Variants in SYNE1 observed in about 807,000 individuals in gnomAD.
SYNE1 encodes nesprin-1.
SYNE1 carries 616 observed loss-of-function variants against 1,111.0 expected under a neutral mutation model. The ratio of observed to expected loss-of-function variants is 0.55; its 90% CI spans 0.52 to 0.59. The LOEUF (loss-of-function observed/expected upper bound fraction) is 0.59. SYNE1 is among the 20% of genes least tolerant of loss of function. The pLI is 0.00. For synonymous variants in SYNE1, 3,855 were observed against 3,825.8 expected (o/e 1.01, Z -0.28); for missense variants, 10,006 against 10,417.0 (o/e 0.96, Z 1.72).
At position 152,331,241 on chromosome 6, in the gene SYNE1, T is replaced by C. The variant is rs757755352; in HGVS notation, c.13444A>G (p.Ile4482Val). The C allele has an allele frequency of 6.2e-7, 1 of 1,614,160 alleles. No homozygotes were observed. Among genetic ancestry groups the C allele is most frequent in the Non-Finnish European group, 8.5e-7 (1 of 1,180,032 alleles). The stretch of plus-strand genomic sequence containing the variant: ...CTCACATCATCTGGTAACAGACAGA[T>C]GTGTTCACGGAACATTATCTTTCGC... ...HERKIMFREH[I>V]CLLPDDVSKQ... The change falls in exon 78 of 146, where the codon ATC becomes GTC. Residue 4482 changes from isoleucine to valine, a missense_variant. Ile to Val is a conservative substitution (Grantham distance 29). Coordinates refer to ENST00000367255, the MANE Select transcript of SYNE1 (RefSeq NM_182961.4).
At chr6:152,594,763 T>C (rs2099576221) in intron 3 of SYNE1, among the ~76,000 whole-genome samples, 2 of 152,174 alleles carry the variant, frequency 1.3e-5, no homozygotes, top group African/African-American at 4.8e-5. Flanking sequence ...CTCCACCTCC[T>C]CAACTCTCAG....
intron 91 of SYNE1, among the ~76,000 whole-genome samples, chr6:152,304,908 G>A (rs151015191): frequency 0.012 from 1,862 of 152,250 alleles, 23 homozygotes; most frequent in Non-Finnish European, 0.017. Context: ...TCCAATGCAC[G>A]TGACTTCCAC....
intron 143 of SYNE1, among the ~76,000 whole-genome samples, chr6:152,132,965 C>T (rs1585707707): frequency 6.6e-6 from 1 of 151,632 alleles, no homozygotes; most frequent in African/African-American, 2.4e-5. Flanking sequence ...TTTGCTCTAC[C>T]ATGGCTGTGT....
intron 130 of SYNE1, among the ~76,000 whole-genome samples, chr6:152,167,209 T>A (rs2063832221): frequency 6.6e-6 from 1 of 152,184 alleles, no homozygotes; most frequent in Admixed American, 6.5e-5. Flanking sequence ...ATGTCCAGCT[T>A]CTTAACACTG....
chr6:152,185,618 C>T (rs538110115), intron 128 of SYNE1, among the ~76,000 whole-genome samples: 2 of 152,322 alleles, frequency 1.3e-5, no homozygotes, highest in East Asian at 3.9e-4. Context: ...GCTTTAGCTT[C>T]AAGCATTAAG....
chr6:152,463,509 A>G lies in SYNE1; in HGVS notation c.1941T>C (p.Phe647=), dbSNP rs1356684374. 1 of 1,612,728 alleles carries G rather than the reference A, an allele frequency of 6.2e-7. No homozygotes were observed. Among genetic ancestry groups the G allele is most frequent in the Non-Finnish European group, 8.5e-7 (1 of 1,179,176 alleles). ...NQSENAKKDF[F]RNLPHWIQQH... ...GCTGAATCCAATGAGGTAAATTTCG[A>G]AAAAAATCCTAAACAATAAATAATG... The change falls in exon 19 of 146, where the codon TTT becomes TTC. Residue 647 remains phenylalanine (F), a synonymous_variant. Coordinates refer to ENST00000367255, the MANE Select transcript of SYNE1 (RefSeq NM_182961.4).
chr6:152,235,423 G>A lies in SYNE1; in HGVS notation c.20397-623C>T, dbSNP rs974641026. On this transcript the variant is annotated intron_variant, in intron 110 of 145. Coordinates refer to ENST00000367255, the MANE Select transcript of SYNE1 (RefSeq NM_182961.4). The stretch of plus-strand genomic sequence containing the variant: ...GTTGCCCAGGCTGGAGTGCAATGGC[G>A]CAATCTTGGCTCACTGCAACCTCCC... Among the ~76,000 whole-genome samples the A allele has an allele frequency of 9.9e-5, 15 of 151,340 alleles. No individual in the cohort carries two copies. In the South Asian group the frequency reaches 1.7e-3, roughly 17 times the overall value.
chr6:152,315,916 C>T (rs1246227394), intron 87 of SYNE1: 1 of 152,010 alleles, frequency 6.6e-6, no homozygotes, highest in Non-Finnish European at 1.5e-5. Context: ...GATCTAGAAC[C>T]CTGTAAACAA....
chr6:152,130,257 A>T (rs2055141088), intron 145 of SYNE1, among the ~76,000 whole-genome samples: 1 of 152,236 alleles, frequency 6.6e-6, no homozygotes. Flanking sequence ...CAAAACCCAC[A>T]ATCTGGATAA....
At chr6:152,237,479 TA>T (rs200261730) in intron 108 of SYNE1, among the ~76,000 whole-genome samples, 6 of 151,254 alleles carry the variant, frequency 4.0e-5, no homozygotes, top group African/African-American at 1.5e-4. Flanking sequence ...CAGGCTAACT[TA>T]AAAAAAATTT....
chr6:152,597,991 C>T (rs1055592176), intron 3 of SYNE1, among the ~76,000 whole-genome samples: 7 of 151,978 alleles, frequency 4.6e-5, no homozygotes, highest in African/African-American at 1.2e-4. Context: ...GAAGTGGTAA[C>T]GAAGGCACCA....
chr6:152,371,386 C>T (rs1394310908), intron 59 of SYNE1, among the ~76,000 whole-genome samples: 4 of 151,726 alleles, frequency 2.6e-5, no homozygotes, highest in African/African-American at 9.7e-5. Context: ...ATTTGCTTCC[C>T]CTTCTGCCAT....
At position 152,148,458 on chromosome 6, in the gene SYNE1, G is replaced by A; in HGVS notation, c.24643-80C>T. On this transcript the variant is annotated intron_variant, in intron 136 of 145. Transcript: ENST00000367255. The surrounding 1 kb of genome is among the most constrained non-coding windows in gnomAD (Gnocchi z 4.1). ...TCTGGGCCACCTGCCTACCATGTGG[G>A]GACAATTTTTAACTTCTTATGAGCA... 7.5e-7 allele frequency: 1 copy of A among 1,339,464 alleles called. No homozygotes were observed. Among genetic ancestry groups the A allele is most frequent in the African/African-American group, 1.4e-5 (1 of 69,062 alleles). The allele number at this position is 1,339,464 out of a possible 1,614,324, so 83.0% of individuals were successfully genotyped here. A position where few individuals can be genotyped will look rare whatever the true frequency, so the allele number is the denominator to read the frequency against.
intron 108 of SYNE1, 147 bp downstream of exon 108, chr6:152,239,386 A>G (rs2084998891): frequency 2.2e-6 from 2 of 904,384 alleles, no homozygotes; most frequent in African/African-American, 1.6e-5. Flanking sequence ...ACACAGAACC[A>G]TAGGAAAAGT....
intron 3 of SYNE1, among the ~76,000 whole-genome samples, chr6:152,616,965 C>T (rs1269831872): frequency 6.6e-6 from 1 of 152,110 alleles, no homozygotes; most frequent in Non-Finnish European, 1.5e-5. Context: ...GCCAGGCTTG[C>T]CGCCTATCCA....
rs1554549135 is a variant in SYNE1 at position 152,364,726 on chromosome 6, AAGGG to A, written c.10145+117_10145+120del. The A allele has an allele frequency of 2.9e-3, 1,073 of 370,142 alleles. 19 individuals are homozygous for A. The highest frequency in any genetic ancestry group is 0.024 in the African/African-American group (876 of 36,006). 22.9% of individuals were successfully genotyped at this position (370,142 alleles called of 1,614,324 possible). On this transcript the variant is annotated intron_variant, in intron 63 of 145. Transcript: ENST00000367255. The stretch of plus-strand genomic sequence containing the variant: ...GAAGGAAGGAAGGAAGGAAGGAAGG[AAGGG>A]AGGAAGGAAAGGAAAGGGAAGGGAA...
chr6:152,381,674 G>C (rs1591560386), intron 55 of SYNE1: 1 of 417,300 alleles, frequency 2.4e-6, no homozygotes, highest in Non-Finnish European at 4.5e-6. Flanking sequence ...GCCTGTGGTG[G>C]ATTGCTCCTG....
intron 3 of SYNE1, among the ~76,000 whole-genome samples, chr6:152,552,831 C>A (rs1396241224): frequency 1.3e-5 from 2 of 152,058 alleles, no homozygotes; most frequent in African/African-American, 2.4e-5. Context: ...GCGTTAGTGA[C>A]CCTCCTCATA....
intron 3 of SYNE1, chr6:152,546,754 C>T (rs1595092921): frequency 6.6e-6 from 1 of 152,276 alleles, no homozygotes; most frequent in East Asian, 1.9e-4. Flanking sequence ...TTGATTTCCT[C>T]ACCCTTTTCG....
Sources: allele counts gnomAD v4.1 joint callset (sites outside exome capture counted in the v4.1 genomes callset), GRCh38; gene constraint gnomAD v4.1.1; non-coding constraint Gnocchi (gnomAD v3.1); transcripts MANE v1.5; gene names NCBI Gene and HGNC (gene_info 2026-07-23, HGNC 2026-07-21).